Variants in PCMT1 observed in about 807,000 individuals in gnomAD.
PCMT1 encodes protein-L-isoaspartate(D-aspartate) O-methyltransferase.
In PCMT1, 9 loss-of-function variants were observed where a neutral mutation model predicts 29.2. The observed-to-expected ratio is 0.31, with a 90% CI of 0.19 to 0.54. The LOEUF (loss-of-function observed/expected upper bound fraction) is 0.54, where lower values mean the gene tolerates loss of function less well. Ranked by LOEUF, PCMT1 falls within the 20% of genes least tolerant of loss-of-function variation. The pLI is 0.95. For missense variants in PCMT1, 184 were observed against 282.2 expected, an observed-to-expected ratio of 0.65 and a Z score of 2.49; for synonymous variants, 98 against 97.5, an observed-to-expected ratio of 1.00 and a Z score of -0.03.
At chr6:149,751,173 C>T (rs1786298347) in intron 1 of PCMT1, among the ~76,000 whole-genome samples, 1 of 152,012 alleles carries the variant, frequency 6.6e-6, no homozygotes, top group Non-Finnish European at 1.5e-5. Flanking sequence ...AAAAATTAGC[C>T]GGGCGTGGTG....
At chr6:149,775,335 A>T (rs959983514) in intron 3 of PCMT1, among the ~76,000 whole-genome samples, 6 of 152,228 alleles carry the variant, frequency 3.9e-5, no homozygotes, top group Admixed American at 2.0e-4. Flanking sequence ...AGAAGCCATT[A>T]AAAAAACCTG....
At chr6:149,806,110 A>G (rs1776007362) in intron 7 of PCMT1, among the ~76,000 whole-genome samples, 1 of 152,016 alleles carries the variant, frequency 6.6e-6, no homozygotes, top group Non-Finnish European at 1.5e-5. Flanking sequence ...TCTTAATATT[A>G]TTCGTGAATT....
intron 3 of PCMT1, among the ~76,000 whole-genome samples, chr6:149,789,105 G>T (rs1397395246): frequency 8.4e-6 from 1 of 119,600 alleles, no homozygotes; most frequent in Admixed American, 1.2e-4. Context: ...ATGGAGTCTC[G>T]CTCTGTTACA....
At chr6:149,762,197 C>T (rs1293434701) in intron 1 of PCMT1, among the ~76,000 whole-genome samples, 3 of 151,694 alleles carry the variant, frequency 2.0e-5, no homozygotes, top group African/African-American at 7.3e-5. Flanking sequence ...CTAATTTTTT[C>T]AAGGTTTTTA....
intron 1 of PCMT1, among the ~76,000 whole-genome samples, chr6:149,756,268 A>G (rs1786499552): frequency 8.0e-6 from 1 of 124,770 alleles, no homozygotes; most frequent in Admixed American, 8.4e-5. Context: ...TTACTTTTGT[A>G]AATAATGAAA....
At chr6:149,792,306 CTT>C (rs1302229648) in intron 4 of PCMT1, among the ~76,000 whole-genome samples, 3 of 151,464 alleles carry the variant, frequency 2.0e-5, no homozygotes, top group African/African-American at 7.3e-5. Flanking sequence ...CAAAGCGAGA[CTT>C]TATCTCAAAA....
intron 7 of PCMT1, among the ~76,000 whole-genome samples, chr6:149,804,624 C>G (rs1293684269): frequency 6.6e-6 from 1 of 152,072 alleles, no homozygotes; most frequent in Non-Finnish European, 1.5e-5. Context: ...AGCAATTCTC[C>G]TGCCTCAGCT....
At chr6:149,774,935 G>A (rs928484243) in intron 3 of PCMT1, among the ~76,000 whole-genome samples, 1 of 150,852 alleles carries the variant, frequency 6.6e-6, no homozygotes, top group African/African-American at 2.4e-5. Flanking sequence ...TCTCGATCTC[G>A]TGACCTTGTG....
chr6:149,784,384 T>A (rs72995513), intron 3 of PCMT1, among the ~76,000 whole-genome samples: 4,054 of 152,244 alleles, frequency 0.027, 76 homozygotes, highest in Non-Finnish European at 0.041. Flanking sequence ...TCCAGTACCA[T>A]ATATACAAAT....
At chr6:149,762,157 G>A (rs1248335985) in intron 1 of PCMT1, among the ~76,000 whole-genome samples, 3 of 151,818 alleles carry the variant, frequency 2.0e-5, no homozygotes, top group Non-Finnish European at 2.9e-5. Context: ...TTCAAGTTGG[G>A]AAAAGAAACA....
At chr6:149,809,934 G>A (rs960392468) in intron 7 of PCMT1, 3 of 152,094 alleles carry the variant, frequency 2.0e-5, no homozygotes, top group East Asian at 1.9e-4. Flanking sequence ...GGCTTCTCTC[G>A]TGGTTTTATT....
At chr6:149,764,914 G>T (rs1217307656) in intron 1 of PCMT1, among the ~76,000 whole-genome samples, 1 of 150,216 alleles carries the variant, frequency 6.7e-6, no homozygotes, top group Non-Finnish European at 1.5e-5. Context: ...GGTGGCGGGT[G>T]CCTGTAGTCC....
intron 3 of PCMT1, among the ~76,000 whole-genome samples, chr6:149,789,518 A>T (rs1463835965): frequency 6.6e-6 from 1 of 152,126 alleles, no homozygotes; most frequent in African/African-American, 2.4e-5. Context: ...GAGAAACCTC[A>T]TCTCTATTAA....
chr6:149,793,834 T>G (rs1420214167), intron 5 of PCMT1, among the ~76,000 whole-genome samples, 165 bp downstream of exon 5: 1 of 152,268 alleles, frequency 6.6e-6, no homozygotes, highest in Admixed American at 6.5e-5. Context: ...GTGTGTATTT[T>G]GCAGCCATCT....
At chr6:149,755,133 C>T (rs1490333204) in intron 1 of PCMT1, among the ~76,000 whole-genome samples, 3 of 152,106 alleles carry the variant, frequency 2.0e-5, no homozygotes, top group African/African-American at 7.2e-5. Flanking sequence ...AGGCCGAGTG[C>T]GGTGGCTCAC....
intron 3 of PCMT1, among the ~76,000 whole-genome samples, chr6:149,777,390 G>C (rs78765468): frequency 0.068 from 10,318 of 152,200 alleles, 479 homozygotes; most frequent in Middle Eastern, 0.12. Context: ...TCGTAAAGTC[G>C]AGAAATCATA....
intron 1 of PCMT1, among the ~76,000 whole-genome samples, chr6:149,762,610 G>GAT (rs67143527): frequency 9.3e-5 from 1 of 10,784 alleles, no homozygotes. Context: ...ATATATCTAT[G>GAT]ATATATATAT....
intron 3 of PCMT1, among the ~76,000 whole-genome samples, chr6:149,775,206 T>G (rs1248621087): frequency 6.6e-6 from 1 of 152,148 alleles, no homozygotes; most frequent in Non-Finnish European, 1.5e-5. Flanking sequence ...TTATTTAAAC[T>G]TAATACTAAT....
intron 3 of PCMT1, among the ~76,000 whole-genome samples, chr6:149,777,131 A>G (rs1787602519): frequency 6.6e-6 from 1 of 152,158 alleles, no homozygotes; most frequent in African/African-American, 2.4e-5. Context: ...AAAATACTGT[A>G]ACTCTAAAAT....
Sources: allele counts gnomAD v4.1 joint callset (sites outside exome capture counted in the v4.1 genomes callset), GRCh38; gene constraint gnomAD v4.1.1; transcripts MANE v1.5; gene names NCBI Gene and HGNC (gene_info 2026-07-23, HGNC 2026-07-21).